Variants in CFAP54 observed in about 807,000 individuals in gnomAD.
The protein encoded by CFAP54 is cilia and flagella associated protein 54, also known as cilia- and flagella-associated protein 54.
Under a neutral mutation model 370.4 loss-of-function variants are expected in CFAP54, and 290 were observed. The observed-to-expected ratio is 0.78, with a 90% CI of 0.71 to 0.86. The LOEUF (loss-of-function observed/expected upper bound fraction) is 0.86, where lower values mean the gene tolerates loss of function less well. CFAP54 is among the 40% of genes least tolerant of loss of function. The pLI is 0.00. For missense variants in CFAP54, 3,399 were observed against 3,528.7 expected, an observed-to-expected ratio of 0.96 and a Z score of 0.93; for synonymous variants, 1,206 against 1,236.5, an observed-to-expected ratio of 0.98 and a Z score of 0.52.
chr12:96,596,590 A>C (rs1565907949), intron 25 of CFAP54, among the ~76,000 whole-genome samples: 1 of 152,104 alleles, frequency 6.6e-6, no homozygotes. Context: ...CAAAGACTTA[A>C]GTGTAAAATA....
At chr12:96,540,728 T>G in intron 13 of CFAP54, 109 bp from the exon 14 acceptor site, 1 of 599,786 alleles carries the variant, frequency 1.7e-6, no homozygotes, top group Non-Finnish European at 2.5e-6. Context: ...AACATTTCCA[T>G]ATGATTAGAA....
chr12:96,869,453 G>C (rs1960091187), intron 67 of CFAP54, among the ~76,000 whole-genome samples: 1 of 152,118 alleles, frequency 6.6e-6, no homozygotes, highest in Non-Finnish European at 1.5e-5. Context: ...CAAGTACATA[G>C]TTCCGCTTGA....
chr12:96,661,070 G>T (rs4511325), intron 38 of CFAP54, among the ~76,000 whole-genome samples: 128,396 of 151,732 alleles, frequency 0.85, 54,842 homozygotes, highest in African/African-American at 0.95. Context: ...GTCCTTTGGG[G>T]TTTTTTTGTT....
chr12:96,589,801 C>T (rs1438571874), intron 23 of CFAP54, among the ~76,000 whole-genome samples: 1 of 152,028 alleles, frequency 6.6e-6, no homozygotes, highest in Admixed American at 6.5e-5. Flanking sequence ...GGCTGGAGTG[C>T]AGTGGCATGA....
intron 26 of CFAP54, among the ~76,000 whole-genome samples, chr12:96,606,425 A>G (rs1956301600): frequency 1.3e-5 from 2 of 152,252 alleles, no homozygotes; most frequent in Non-Finnish European, 2.9e-5. Context: ...CTGTAAACAG[A>G]ATCACTGTAT....
chr12:96,675,684 A>G (rs1456860516), intron 39 of CFAP54, among the ~76,000 whole-genome samples: 2 of 152,210 alleles, frequency 1.3e-5, no homozygotes, highest in African/African-American at 4.8e-5. Context: ...ACTTGGAACC[A>G]AGCCAAATAT....
intron 1 of CFAP54, among the ~76,000 whole-genome samples, chr12:96,500,514 A>G (rs1565875789): frequency 6.6e-6 from 1 of 152,178 alleles, no homozygotes; most frequent in Non-Finnish European, 1.5e-5. Flanking sequence ...GATGTTGATA[A>G]TGGGGAGGGC....
chr12:96,495,910 A>T (rs1390564147), intron 1 of CFAP54, among the ~76,000 whole-genome samples: 3 of 152,178 alleles, frequency 2.0e-5, no homozygotes, highest in Non-Finnish European at 1.5e-5. Context: ...GGTTTAGAAG[A>T]ATTAATTATT....
At chr12:96,494,197 A>G (rs923863161) in intron 1 of CFAP54, among the ~76,000 whole-genome samples, 1 of 152,182 alleles carries the variant, frequency 6.6e-6, no homozygotes, top group African/African-American at 2.4e-5. Context: ...GTACAACAGT[A>G]TGAGGTGAGA....
intron 48 of CFAP54, among the ~76,000 whole-genome samples, chr12:96,715,105 A>C (rs1397672489): frequency 6.6e-6 from 1 of 152,214 alleles, no homozygotes; most frequent in Non-Finnish European, 1.5e-5. Context: ...CAAAGACATC[A>C]ACCGAGTGAG....
chr12:96,715,448 C>T (rs1020016570), intron 48 of CFAP54, among the ~76,000 whole-genome samples: 2 of 151,926 alleles, frequency 1.3e-5, no homozygotes, highest in African/African-American at 4.8e-5. Flanking sequence ...GGAACTAAAA[C>T]TGGGTAAGGA....
intron 65 of CFAP54, among the ~76,000 whole-genome samples, chr12:96,821,572 A>C (rs1380158249): frequency 6.6e-6 from 1 of 152,156 alleles, no homozygotes; most frequent in Non-Finnish European, 1.5e-5. Context: ...GAAGAATATC[A>C]CCAGACAGAA....
chr12:96,785,884 A>G (rs1283973048), intron 61 of CFAP54, among the ~76,000 whole-genome samples: 4 of 152,168 alleles, frequency 2.6e-5, no homozygotes, highest in African/African-American at 9.7e-5. Flanking sequence ...CCAGCTTCTC[A>G]GTCTCTCGAC....
intron 66 of CFAP54, among the ~76,000 whole-genome samples, chr12:96,841,051 C>T (rs185203137): frequency 6.6e-6 from 1 of 152,328 alleles, no homozygotes; most frequent in East Asian, 1.9e-4. Flanking sequence ...ATCAAGGAAC[C>T]TGAAGCCTTT....
At chr12:96,750,706 A>T (rs927634219) in intron 55 of CFAP54, among the ~76,000 whole-genome samples, 2 of 152,176 alleles carry the variant, frequency 1.3e-5, no homozygotes, top group Non-Finnish European at 2.9e-5. Flanking sequence ...TATATTCTGT[A>T]CTTTTCTGAC....
intron 66 of CFAP54, 127 bp downstream of exon 66, chr12:96,829,215 G>T (rs2136758366): frequency 2.1e-6 from 1 of 486,498 alleles, no homozygotes; most frequent in Non-Finnish European, 3.5e-6. Flanking sequence ...GTGAAAAAGT[G>T]ATAAACATGA....
chr12:96,835,821 C>A (rs2078114638), intron 66 of CFAP54, among the ~76,000 whole-genome samples: 1 of 152,158 alleles, frequency 6.6e-6, no homozygotes, highest in Admixed American at 6.5e-5. Flanking sequence ...GGGGCTCCCA[C>A]TAGCTCCATG....
At chr12:96,767,159 C>T (rs1017300858) in intron 60 of CFAP54, among the ~76,000 whole-genome samples, 1 of 152,182 alleles carries the variant, frequency 6.6e-6, no homozygotes, top group Non-Finnish European at 1.5e-5. Context: ...ACTGCTTGTA[C>T]AGGAAGGGAG....
chr12:96,577,977 G>A (rs531975040), intron 20 of CFAP54, among the ~76,000 whole-genome samples: 5 of 152,020 alleles, frequency 3.3e-5, no homozygotes, highest in Non-Finnish European at 5.9e-5. Context: ...CAGGAGAATC[G>A]CTTGAACCTG....
Sources: allele counts gnomAD v4.1 joint callset (sites outside exome capture counted in the v4.1 genomes callset), GRCh38; gene constraint gnomAD v4.1.1; transcripts MANE v1.5; gene names NCBI Gene and HGNC (gene_info 2026-07-23, HGNC 2026-07-21).